TASP1: variants seen among roughly 807,000 people sequenced by gnomAD.
TASP1 encodes threonine aspartase 1.
In TASP1, 16 loss-of-function variants were observed where a neutral mutation model predicts 56.6. That is an observed-to-expected ratio of 0.28 (90% confidence interval 0.19 to 0.43). The LOEUF (loss-of-function observed/expected upper bound fraction) is 0.43, where lower values mean the gene tolerates loss of function less well. Among genes scored for constraint, TASP1 ranks in the 20% least tolerant of loss-of-function variants. The pLI is 1.00. For synonymous variants in TASP1, 179 were observed against 184.2 expected, an observed-to-expected ratio of 0.97 and a Z score of 0.23; for missense variants, 393 against 511.6, an observed-to-expected ratio of 0.77 and a Z score of 2.24.
chr20:13,604,001 T>C (rs1453797878), intron 4 of TASP1, among the ~76,000 whole-genome samples: 1 of 152,178 alleles, frequency 6.6e-6, no homozygotes, highest in Non-Finnish European at 1.5e-5. Context: ...CAGCAAGAAT[T>C]CTGTTAGGCC....
chr20:13,616,254 C>G (rs1188528202), intron 4 of TASP1, among the ~76,000 whole-genome samples: 1 of 152,118 alleles, frequency 6.6e-6, no homozygotes, highest in Non-Finnish European at 1.5e-5. Context: ...AGGATTTCCA[C>G]TAACTACACC....
intron 4 of TASP1, among the ~76,000 whole-genome samples, chr20:13,588,309 G>GGAAGGA (rs1296133393): frequency 1.0e-4 from 11 of 109,160 alleles, no homozygotes; most frequent in African/African-American, 3.6e-4. Flanking sequence ...AAGGAAGGAA[G>GGAAGGA]AGAAAGAAAA....
the TASP1 span, among the ~76,000 whole-genome samples, chr20:13,193,754 T>G: frequency 6.6e-6 from 1 of 152,222 alleles, no homozygotes; most frequent in South Asian, 2.1e-4. Flanking sequence ...TGTCCTTATG[T>G]CTGTTGCCTC....
At chr20:13,469,408 G>A (rs2044387195) in intron 11 of TASP1, among the ~76,000 whole-genome samples, 1 of 152,138 alleles carries the variant, frequency 6.6e-6, no homozygotes, top group South Asian at 2.1e-4. Context: ...TCCATTTTGA[G>A]AGCCCAAAAT....
downstream of TASP1, among the ~76,000 whole-genome samples, chr20:13,386,331 G>T (rs1280463374): frequency 1.3e-5 from 2 of 152,174 alleles, no homozygotes; most frequent in Non-Finnish European, 2.9e-5. Context: ...GAAAATTCAT[G>T]CATAAAGAGT....
At chr20:13,522,225 G>A (rs1460562792) in intron 10 of TASP1, among the ~76,000 whole-genome samples, 3 of 152,164 alleles carry the variant, frequency 2.0e-5, no homozygotes, top group Admixed American at 1.3e-4. Context: ...ATTAAGATGG[G>A]AAGTGGCTTA....
rs1182104971 is a variant in TASP1 at position 13,483,238 on chromosome 20, T to C, written c.974A>G (p.Asn325Ser). ...AATGTTATACTTACTGATAAACTTG[T>C]TTTGCATAGTCTCCAACAGGGCTTG... ...AHQALLETMQ[N>S]KFISSPFLAS... Residue 325 changes from asparagine (N) to serine (S), a missense_variant, in exon 11 of 14, where the codon AAC (asparagine) becomes AGC (serine). Physicochemically the swap from Asn to Ser is conservative, Grantham distance 46. This residue lies in a region of TASP1 where 293 missense variants were observed against 354.2 expected (regional missense o/e 0.83). Transcript: ENST00000337743. 2.5e-6 allele frequency: 4 copies of C among 1,585,004 alleles called. No individual in the cohort carries two copies. In the Admixed American group the frequency reaches 5.5e-5, roughly 22 times the overall value.
the TASP1 span, among the ~76,000 whole-genome samples, chr20:13,209,555 A>G: frequency 6.6e-6 from 1 of 152,190 alleles, no homozygotes; most frequent in East Asian, 1.9e-4. Flanking sequence ...TCCAGATTCA[A>G]TATATTCAGT....
the TASP1 span, among the ~76,000 whole-genome samples, chr20:13,211,048 G>GGAGA: frequency 0.29 from 44,663 of 151,586 alleles, 6,882 homozygotes; most frequent in African/African-American, 0.35. Context: ...TGTAAAACAA[G>GGAGA]GAAAGAGGAG....
chr20:13,369,032 T>C, the TASP1 span, among the ~76,000 whole-genome samples: 1 of 152,218 alleles, frequency 6.6e-6, no homozygotes, highest in African/African-American at 2.4e-5. Flanking sequence ...TTGTGACTAG[T>C]CATAGTAGGC....
chr20:13,291,046 C>T, the TASP1 span, among the ~76,000 whole-genome samples: 1 of 152,338 alleles, frequency 6.6e-6, no homozygotes, highest in East Asian at 1.9e-4. Context: ...GGTTTGGGGG[C>T]TTTCCTGTTG....
At chr20:13,456,622 T>C (rs972854272) in intron 11 of TASP1, among the ~76,000 whole-genome samples, 2 of 152,126 alleles carry the variant, frequency 1.3e-5, no homozygotes, top group Non-Finnish European at 2.9e-5. Context: ...CTGAAGCTTA[T>C]GTTGAGAAAT....
At chr20:13,302,982 G>A in the TASP1 span, among the ~76,000 whole-genome samples, 1 of 152,142 alleles carries the variant, frequency 6.6e-6, no homozygotes, top group African/African-American at 2.4e-5. Flanking sequence ...TAACGCCGGG[G>A]ATTAAAGAAC....
At chr20:13,371,011 A>G in the TASP1 span, among the ~76,000 whole-genome samples, 2 of 152,106 alleles carry the variant, frequency 1.3e-5, no homozygotes, top group African/African-American at 2.4e-5. Flanking sequence ...GTCAAGCAGT[A>G]TCATCCCCTC....
chr20:13,453,246 G>C (rs780024120), intron 11 of TASP1, among the ~76,000 whole-genome samples: 2 of 152,058 alleles, frequency 1.3e-5, no homozygotes, highest in Non-Finnish European at 2.9e-5. Flanking sequence ...CACTGAAATC[G>C]GAACAGCAGG....
At position 13,636,852 on chromosome 20, in the gene TASP1, T is replaced by C. The variant is rs566094336; in HGVS notation, c.-75+2042A>G. 2.2e-4 allele frequency among the ~76,000 whole-genome samples: 33 copies of C among 152,088 alleles called. No homozygotes were observed. In the East Asian group the frequency reaches 6.0e-3, roughly 28 times the overall value. On this transcript the variant is annotated intron_variant, in intron 1 of 13. Transcript: ENST00000337743. ...AATGAAACTGAACTCCTACCTCACA[T>C]CATACAGAAAAATTAACTCTAAATA...
chr20:13,174,425 T>A, the TASP1 span, among the ~76,000 whole-genome samples: 21 of 152,106 alleles, frequency 1.4e-4, no homozygotes, highest in African/African-American at 4.3e-4. Context: ...AGGCAGGGTG[T>A]GGTGGCGCAT....
the TASP1 span, among the ~76,000 whole-genome samples, chr20:13,197,062 G>C: frequency 6.6e-6 from 1 of 152,208 alleles, no homozygotes; most frequent in African/African-American, 2.4e-5. Flanking sequence ...GAGCTCCCCT[G>C]TCTATAGTAA....
chr20:13,582,328 CTT>C (rs993426110), intron 5 of TASP1, among the ~76,000 whole-genome samples: 5 of 151,402 alleles, frequency 3.3e-5, no homozygotes, highest in South Asian at 2.1e-4. Flanking sequence ...AAATGTATAA[CTT>C]ATAACTTATA....
Sources: allele counts gnomAD v4.1 joint callset (sites outside exome capture counted in the v4.1 genomes callset), GRCh38; gene constraint gnomAD v4.1.1; regional missense constraint gnomAD v4.1.1; transcripts MANE v1.5; gene names NCBI Gene and HGNC (gene_info 2026-07-23, HGNC 2026-07-21).